Variants in FAF1 observed in about 807,000 individuals in gnomAD.
The protein encoded by FAF1 is FAS-associated factor 1.
A neutral mutation model predicts 92.5 loss-of-function variants in FAF1; 25 were observed. That is an observed-to-expected ratio of 0.27 (90% CI 0.20 to 0.38). The LOEUF (loss-of-function observed/expected upper bound fraction) is 0.38. Ranked by LOEUF, FAF1 falls within the 10% of genes least tolerant of loss-of-function variation. The probability of loss-of-function intolerance (pLI) is 1.00; values close to 1 mark genes in which losing one functional copy is unlikely to be tolerated. For synonymous variants in FAF1, 234 were observed against 273.2 expected (o/e 0.86, Z 1.42); for missense variants, 636 against 793.3 (o/e 0.80, Z 2.38).
At chr1:50,907,850 T>A (rs573798971) in intron 1 of FAF1, among the ~76,000 whole-genome samples, 2 of 152,096 alleles carry the variant, frequency 1.3e-5, no homozygotes, top group Non-Finnish European at 2.9e-5. Context: ...TTTTTGAAGG[T>A]TTTTTTGTGT....
At chr1:50,527,732 T>C (rs189851220) in intron 15 of FAF1, among the ~76,000 whole-genome samples, 2 of 152,140 alleles carry the variant, frequency 1.3e-5, no homozygotes, top group East Asian at 1.9e-4. Flanking sequence ...CACTCTTCCA[T>C]TGACCACCCC....
chr1:50,690,136 C>T (rs1463119895), intron 7 of FAF1, among the ~76,000 whole-genome samples: 2 of 151,682 alleles, frequency 1.3e-5, no homozygotes. Flanking sequence ...GCTGGGATTA[C>T]AGGCACATGT....
chr1:50,527,582 T>C (rs1647881230), intron 15 of FAF1, among the ~76,000 whole-genome samples: 2 of 152,158 alleles, frequency 1.3e-5, no homozygotes, highest in Admixed American at 6.5e-5. Context: ...TCACTGATAA[T>C]AGAATAAAGA....
chr1:50,897,768 G>C (rs144510202), intron 1 of FAF1, among the ~76,000 whole-genome samples: 1 of 152,248 alleles, frequency 6.6e-6, no homozygotes, highest in East Asian at 1.9e-4. Context: ...ACTAGGCTCA[G>C]ACATATGACT....
In FAF1 at chr1:50,801,266, T is replaced by C. The variant is rs374403060; in HGVS notation, c.161+365A>G. Reference sequence around the variant, plus strand: ...AAAAAGTCTGTAGTAAGCCTGGAGATAAAGCCTGTATAGTTAAGTTTGATA... The same window carrying C: ...AAAAAGTCTGTAGTAAGCCTGGAGACAAAGCCTGTATAGTTAAGTTTGATA... On this transcript the variant is annotated intron_variant, in intron 3 of 18. Transcript: ENST00000396153. Among the ~76,000 whole-genome samples the C allele has an allele frequency of 7.2e-5, 11 of 152,344 alleles. No homozygotes were observed. The South Asian group carries it at 2.3e-3, about 32-fold the overall frequency.
At chr1:50,519,358 AGGAAGGAAGGAAGGAGGGAGGGAGGGAG>A (rs1647371893) in intron 15 of FAF1, among the ~76,000 whole-genome samples, 1 of 104,322 alleles carries the variant, frequency 9.6e-6, no homozygotes, top group Middle Eastern at 4.2e-3. Flanking sequence ...GAAGGAAGGA[AGGAAGGAAGGAAGGAGGGAGGGAGGGAG>A]GGAGGGAGGG....
At chr1:50,525,107 A>G (rs1184137420) in intron 15 of FAF1, among the ~76,000 whole-genome samples, 1 of 152,076 alleles carries the variant, frequency 6.6e-6, no homozygotes, top group Admixed American at 6.5e-5. Flanking sequence ...GCTGGTCTCA[A>G]ACTCCTGGCC....
intron 8 of FAF1, among the ~76,000 whole-genome samples, chr1:50,615,497 T>C (rs1016363158): frequency 6.6e-6 from 1 of 152,246 alleles, no homozygotes; most frequent in African/African-American, 2.4e-5. Context: ...ACTAACAGTA[T>C]GTAAGTGCTC....
intron 4 of FAF1, among the ~76,000 whole-genome samples, chr1:50,778,146 T>C (rs543459494): frequency 1.3e-4 from 20 of 152,308 alleles, no homozygotes; most frequent in Non-Finnish European, 1.6e-4. Context: ...GACATAATAT[T>C]GAGTGAAAGA....
At chr1:50,907,668 G>T (rs1200283630) in intron 1 of FAF1, among the ~76,000 whole-genome samples, 1 of 152,128 alleles carries the variant, frequency 6.6e-6, no homozygotes, top group Non-Finnish European at 1.5e-5. Context: ...TTTTTTCATA[G>T]AGTTGTTTAT....
At chr1:50,880,652 G>A (rs568493898) in intron 1 of FAF1, among the ~76,000 whole-genome samples, 292 of 152,294 alleles carry the variant, frequency 1.9e-3, no homozygotes, top group African/African-American at 3.6e-3. Context: ...AACATTGATC[G>A]TGGACTTCTA....
chr1:50,680,540 G>A (rs938048287), intron 7 of FAF1, among the ~76,000 whole-genome samples: 4 of 151,786 alleles, frequency 2.6e-5, no homozygotes, highest in Non-Finnish European at 4.4e-5. Flanking sequence ...AAAATTAGGC[G>A]GGTGTGGTGG....
chr1:50,452,050 T>C (rs1449377003), intron 18 of FAF1: 1 of 1,321,632 alleles, frequency 7.6e-7, no homozygotes, highest in African/African-American at 1.5e-5. Flanking sequence ...GGGGATTCTA[T>C]TAAGAATGGA....
At position 50,635,675 on chromosome 1, in the gene FAF1, C is replaced by A. The variant is rs1018481249; in HGVS notation, c.744+19767G>T. Among the ~76,000 whole-genome samples, 10 of 152,284 alleles carry A rather than the reference C, an allele frequency of 6.6e-5. 1 individual carries two copies. In the East Asian group the frequency reaches 1.7e-3, roughly 26 times the overall value. On this transcript the variant is annotated intron_variant, in intron 8 of 18. Coordinates refer to ENST00000396153, the MANE Select transcript of FAF1 (RefSeq NM_007051.3). ...TGCTGAGCTCAGGCTGGTCTCAAAC[C>A]GCTAAGCTCAAGCAAACCACCCACC...
chr1:50,808,775 T>G (rs1662308446), intron 2 of FAF1, among the ~76,000 whole-genome samples: 1 of 152,186 alleles, frequency 6.6e-6, no homozygotes, highest in African/African-American at 2.4e-5. Context: ...TGCCTCTATT[T>G]TATTGTTTAC....
intron 15 of FAF1, among the ~76,000 whole-genome samples, chr1:50,507,141 G>A (rs1647069011): frequency 6.6e-6 from 1 of 152,126 alleles, no homozygotes; most frequent in African/African-American, 2.4e-5. Flanking sequence ...ACAGGGCAGG[G>A]CACTTAGTAG....
At position 50,475,565 on chromosome 1, in the gene FAF1, A is replaced by C; in HGVS notation, c.1768T>G (p.Phe590Val). Reference sequence around the variant, plus strand: ...ATCTGGAGCTTGTTGCTGGCCAGGAAACGCCGCTCCAAGAACTCGCCACTG... The same window carrying C: ...ATCTGGAGCTTGTTGCTGGCCAGGACACGCCGCTCCAAGAACTCGCCACTG... ...TPSGEFLERR[F>V]LASNKLQIVF... The change falls in exon 18 of 19, where the codon TTC (phenylalanine) becomes GTC (valine). Residue 590 changes from phenylalanine (F) to valine (V), a missense_variant. Phe to Val is a conservative substitution (Grantham distance 50). This residue lies in a region of FAF1 where 319 missense variants were observed against 451.0 expected (regional missense o/e 0.71). Coordinates refer to ENST00000396153, the MANE Select transcript of FAF1 (RefSeq NM_007051.3). 1 of 1,614,118 alleles carries C rather than the reference A, an allele frequency of 6.2e-7. No individual in the cohort carries two copies. Among genetic ancestry groups the C allele is most frequent in the Non-Finnish European group, 8.5e-7 (1 of 1,179,992 alleles).
intron 15 of FAF1, among the ~76,000 whole-genome samples, chr1:50,525,820 T>A (rs980842447): frequency 3.9e-5 from 6 of 152,206 alleles, no homozygotes; most frequent in Non-Finnish European, 7.3e-5. Flanking sequence ...GTATCAGAGT[T>A]ACAGATTATG....
At chr1:50,589,105 T>G (rs934181851) in intron 9 of FAF1, among the ~76,000 whole-genome samples, 1 of 152,122 alleles carries the variant, frequency 6.6e-6, no homozygotes, top group African/African-American at 2.4e-5. Flanking sequence ...ATCACCTACT[T>G]ATAGACATAA....
Sources: gnomAD v4.1 joint callset for allele counts (sites outside exome capture counted in the v4.1 genomes callset) on GRCh38, gnomAD v4.1.1 for gene constraint, gnomAD v4.1.1 regional missense constraint, MANE v1.5 for transcripts, NCBI Gene and HGNC (gene_info 2026-07-23, HGNC 2026-07-21) for gene names.